ATRNL1: variants seen among roughly 807,000 people sequenced by gnomAD.
ATRNL1 encodes attractin like 1, also known as attractin-like protein 1.
Under a neutral mutation model 182.7 loss-of-function variants are expected in ATRNL1, and 95 were observed. The observed-to-expected ratio is 0.52, with a 90% confidence interval of 0.44 to 0.62. The LOEUF (loss-of-function observed/expected upper bound fraction) is 0.62. Ranked by LOEUF, ATRNL1 falls within the 20% of genes least tolerant of loss-of-function variation. The pLI is 0.00. For missense variants in ATRNL1, 1,471 were observed against 1,679.5 expected (o/e 0.88, Z 2.17); for synonymous variants, 576 against 568.3 (o/e 1.01, Z -0.19).
chr10:115,511,887 T>C (rs1554982745), intron 24 of ATRNL1, among the ~76,000 whole-genome samples: 1 of 151,882 alleles, frequency 6.6e-6, no homozygotes, highest in Non-Finnish European at 1.5e-5. Flanking sequence ...GTCTTATCAA[T>C]TATTTTGGGG....
chr10:115,653,279 ATTTTGGT>A (rs1860126516), intron 26 of ATRNL1, among the ~76,000 whole-genome samples: 2 of 152,158 alleles, frequency 1.3e-5, no homozygotes, highest in African/African-American at 4.8e-5. Flanking sequence ...ATGTACATTT[ATTTTGGT>A]CATGAGTGCC....
intron 24 of ATRNL1, among the ~76,000 whole-genome samples, chr10:115,484,119 CT>C (rs5788104): frequency 0.39 from 58,454 of 148,014 alleles, 12,322 homozygotes; most frequent in Middle Eastern, 0.51. Context: ...TTCTGATTAT[CT>C]TTTTTTTTTT....
At chr10:115,816,042 AACC>A (rs771661493) in intron 27 of ATRNL1, among the ~76,000 whole-genome samples, 2 of 152,252 alleles carry the variant, frequency 1.3e-5, no homozygotes, top group African/African-American at 2.4e-5. Flanking sequence ...TCTTAGGACT[AACC>A]AAGACAATTT....
intron 1 of ATRNL1, among the ~76,000 whole-genome samples, chr10:115,106,195 C>T (rs1844002413): frequency 6.6e-6 from 1 of 152,164 alleles, no homozygotes; most frequent in Admixed American, 6.5e-5. Context: ...CATTTTGGAG[C>T]TTTAAAATTT....
intron 10 of ATRNL1, among the ~76,000 whole-genome samples, chr10:115,261,842 G>A (rs556886343): frequency 2.0e-4 from 31 of 151,998 alleles, no homozygotes; most frequent in South Asian, 4.2e-4. Context: ...GTCCAGCCTA[G>A]GCAATACAGC....
chr10:115,654,182 C>A (rs139021487), intron 26 of ATRNL1, among the ~76,000 whole-genome samples: 1 of 151,328 alleles, frequency 6.6e-6, no homozygotes, highest in Non-Finnish European at 1.5e-5. Context: ...ACTGGCATTG[C>A]TGTTGTAGAC....
intron 8 of ATRNL1, among the ~76,000 whole-genome samples, chr10:115,206,537 T>C (rs1848803032): frequency 6.6e-6 from 1 of 152,086 alleles, no homozygotes; most frequent in Non-Finnish European, 1.5e-5. Context: ...ATATAGGTTA[T>C]AAAGAACACA....
chr10:115,303,490 G>A (rs1554925292), intron 17 of ATRNL1, among the ~76,000 whole-genome samples: 1 of 152,008 alleles, frequency 6.6e-6, no homozygotes, highest in Non-Finnish European at 1.5e-5. Flanking sequence ...CAAAGTTCTG[G>A]GATTACAAGC....
At chr10:115,244,722 A>T (rs1441214869) in intron 10 of ATRNL1, among the ~76,000 whole-genome samples, 1 of 152,196 alleles carries the variant, frequency 6.6e-6, no homozygotes, top group Non-Finnish European at 1.5e-5. Context: ...TATTACTTTC[A>T]GAAAGCCACT....
At chr10:115,746,679 A>G (rs1948301481) in intron 27 of ATRNL1, among the ~76,000 whole-genome samples, 1 of 152,024 alleles carries the variant, frequency 6.6e-6, no homozygotes, top group Non-Finnish European at 1.5e-5. Context: ...AATTTTTCTC[A>G]CTGGGAAGCT....
intron 1 of ATRNL1, among the ~76,000 whole-genome samples, chr10:115,108,292 T>TG (rs2143502995): frequency 6.6e-6 from 1 of 152,332 alleles, no homozygotes; most frequent in East Asian, 1.9e-4. Flanking sequence ...CTACATTGTC[T>TG]GGGGTATATA....
At chr10:115,690,653 G>A (rs966226820) in intron 26 of ATRNL1, among the ~76,000 whole-genome samples, 2 of 152,166 alleles carry the variant, frequency 1.3e-5, no homozygotes, top group Non-Finnish European at 2.9e-5. Flanking sequence ...ACTGAGAGAT[G>A]TCAGTTGGGG....
At chr10:115,759,985 C>T (rs1442661628) in intron 27 of ATRNL1, among the ~76,000 whole-genome samples, 2 of 151,310 alleles carry the variant, frequency 1.3e-5, no homozygotes, top group African/African-American at 4.9e-5. Context: ...AGCCACTGTA[C>T]CCGGCCTGAG....
In ATRNL1 at chr10:115,093,800, CG is replaced by C; in HGVS notation, c.55del (p.Val19CysfsTer81). 3.4e-6 allele frequency: 5 copies of C among 1,468,878 alleles called. No individual in the cohort carries two copies. The highest frequency in any genetic ancestry group is 2.8e-5 in the East Asian group (1 of 35,798). 91.0% of individuals were successfully genotyped at this position (1,468,878 alleles called of 1,614,324 possible). ...ACTGGTACCCCGCAGCCAGCGGCCC[CG>C]GGGGTGTGGAGGGCTCGGCCGGCGG... is the stretch of plus-strand genomic sequence containing the variant. Reference protein sequence around the residue: ...ARTGTPQPAAPGVWRARPAGG... With the variant: ...ARTGTPQPAAXGVWRARPAGG... On this transcript the variant is annotated frameshift_variant, in exon 1 of 29. Coordinates refer to ENST00000355044, the MANE Select transcript of ATRNL1 (RefSeq NM_207303.4). LOFTEE classifies it high-confidence loss of function. The surrounding 1 kb of genome is among the most constrained non-coding windows in gnomAD (Gnocchi z 6.1).
At chr10:115,602,691 G>A (rs1038709780) in intron 26 of ATRNL1, among the ~76,000 whole-genome samples, 7 of 152,032 alleles carry the variant, frequency 4.6e-5, no homozygotes, top group Admixed American at 1.3e-4. Flanking sequence ...GTGAAACCCC[G>A]TCTCTACTAA....
rs546956797 is a variant in ATRNL1, at chr10:115,908,242, A to G, written c.4019-36416A>G. ...CCTAGCAAATTACCACGACCTAGGC[A>G]GCTTTAAACATAACACAAATGTATT... On this transcript the variant is annotated intron_variant, in intron 28 of 28. Transcript: ENST00000355044. Among the ~76,000 whole-genome samples, 9 of 152,324 alleles carry G rather than the reference A, an allele frequency of 5.9e-5. No homozygotes were observed. The South Asian group carries it at 1.4e-3, about 25-fold the overall frequency.
At chr10:115,621,215 G>C (rs1415855089) in intron 26 of ATRNL1, among the ~76,000 whole-genome samples, 1 of 142,340 alleles carries the variant, frequency 7.0e-6, no homozygotes, top group African/African-American at 2.6e-5. Flanking sequence ...TATAGATGCA[G>C]TTTCCTTATA....
chr10:115,564,872 A>AC (rs1853981342), intron 26 of ATRNL1, among the ~76,000 whole-genome samples: 1 of 152,030 alleles, frequency 6.6e-6, no homozygotes. Flanking sequence ...ATATTTTTGC[A>AC]TGTAACTGTA....
At position 115,412,853 on chromosome 10, in the gene ATRNL1, A is replaced by G. The variant is rs1203918846; in HGVS notation, c.3270-13397A>G. Among the ~76,000 whole-genome samples the G allele has an allele frequency of 2.6e-5, 4 of 152,280 alleles. No individual in the cohort carries two copies. In the East Asian group the frequency reaches 7.7e-4, roughly 29 times the overall value. ...ATTTTATATCTGCAAAATTGCCTTA[A>G]TAAGGTATTTGTAATTTTGTTATAT... On this transcript the variant is annotated intron_variant, in intron 20 of 28. Transcript: ENST00000355044.
Sources: allele counts gnomAD v4.1 joint callset (sites outside exome capture counted in the v4.1 genomes callset), GRCh38; gene constraint gnomAD v4.1.1; non-coding constraint Gnocchi (gnomAD v3.1); transcripts MANE v1.5; gene names NCBI Gene and HGNC (gene_info 2026-07-23, HGNC 2026-07-21).